The following DZIP3 variants were observed in gnomAD, a reference collection of about 807,000 sequenced individuals.
The protein encoded by DZIP3 is E3 ubiquitin-protein ligase DZIP3.
In DZIP3, 118 loss-of-function variants were observed where a neutral mutation model predicts 162.0. That is an observed-to-expected ratio of 0.73 (90% CI 0.63 to 0.85). The LOEUF (loss-of-function observed/expected upper bound fraction) is 0.85. Among genes scored for constraint, DZIP3 ranks in the 40% least tolerant of loss-of-function variants. DZIP3 has a pLI of 0.00. For missense variants in DZIP3, 1,331 were observed against 1,407.0 expected, an observed-to-expected ratio of 0.95 and a Z score of 0.86; for synonymous variants, 438 against 458.6, an observed-to-expected ratio of 0.96 and a Z score of 0.57.
chr3:108,676,370 T>C (rs144152284), intron 25 of DZIP3, among the ~76,000 whole-genome samples: 74 of 152,170 alleles, frequency 4.9e-4, no homozygotes, highest in African/African-American at 1.6e-3. Flanking sequence ...ATAATGTGTT[T>C]ACAGAATAAA....
rs1272824965 is a variant in DZIP3 at position 108,624,479 on chromosome 3, A to G, written c.411A>G (p.Leu137=). 6.3e-7 allele frequency: 1 copy of G among 1,597,716 alleles called. No individual in the cohort carries two copies. Among genetic ancestry groups the G allele is most frequent in the Admixed American group, 1.7e-5 (1 of 58,718 alleles). ...TTAATATTGGTTATTATTTGACATT[A>G]CTGTTTTTATATGGAGTAGCACTCA... The part of the protein sequence containing the change: ...HQINIGYYLT[L]LFLYGVALTE... The change falls in exon 6 of 33, where the codon TTA becomes TTG. Residue 137 remains leucine (L), a synonymous_variant. Coordinates refer to ENST00000361582, the MANE Select transcript of DZIP3 (RefSeq NM_014648.4).
chr3:108,669,191 T>G (rs1943817927), intron 21 of DZIP3, among the ~76,000 whole-genome samples: 1 of 151,974 alleles, frequency 6.6e-6, no homozygotes, highest in South Asian at 2.1e-4. Flanking sequence ...TTAATTAAAA[T>G]TTGCATTTGT....
intron 5 of DZIP3, among the ~76,000 whole-genome samples, chr3:108,618,343 GTTTTC>G (rs1017587017): frequency 6.6e-6 from 1 of 152,126 alleles, no homozygotes; most frequent in Non-Finnish European, 1.5e-5. Flanking sequence ...TCATGAAGCT[GTTTTC>G]TTTTAATTAC....
intron 22 of DZIP3, among the ~76,000 whole-genome samples, chr3:108,672,154 C>A (rs1943948102): frequency 6.6e-6 from 1 of 151,888 alleles, no homozygotes; most frequent in Non-Finnish European, 1.5e-5. Flanking sequence ...GAGTTCCGCC[C>A]TTATGACTGA....
At chr3:108,664,424 G>A (rs1390400899) in intron 21 of DZIP3, among the ~76,000 whole-genome samples, 1 of 152,204 alleles carries the variant, frequency 6.6e-6, no homozygotes, top group East Asian at 1.9e-4. Flanking sequence ...GCAGTAGTAA[G>A]CAAGCAGCTG....
chr3:108,654,023 A>C (rs1942993524), intron 18 of DZIP3, 122 bp from the exon 19 acceptor site: 1 of 1,026,836 alleles, frequency 9.7e-7, no homozygotes, highest in East Asian at 2.6e-5. Flanking sequence ...TCCTTTGATC[A>C]TGAACCCTTC....
chr3:108,626,857 G>C (rs1941612933), intron 7 of DZIP3, among the ~76,000 whole-genome samples: 1 of 152,232 alleles, frequency 6.6e-6, no homozygotes, highest in Admixed American at 6.5e-5. Flanking sequence ...AGAAAACAAT[G>C]TTTGACTAAG....
intron 8 of DZIP3, among the ~76,000 whole-genome samples, chr3:108,630,108 C>T (rs933050596): frequency 3.9e-5 from 6 of 151,966 alleles, no homozygotes; most frequent in African/African-American, 1.2e-4. Context: ...ACTTTATATT[C>T]TTCAAATAGT....
intron 9 of DZIP3, among the ~76,000 whole-genome samples, chr3:108,633,908 ATC>A (rs140073952): frequency 1.8e-5 from 1 of 55,088 alleles, no homozygotes; most frequent in Non-Finnish European, 4.3e-5. Context: ...CTTCTGATAG[ATC>A]TCTCTCTCTG....
At chr3:108,665,486 A>G (rs1440067482) in intron 21 of DZIP3, among the ~76,000 whole-genome samples, 3 of 152,170 alleles carry the variant, frequency 2.0e-5, no homozygotes, top group Non-Finnish European at 2.9e-5. Flanking sequence ...AGCCAATAAC[A>G]AAAGAGCTAA....
At chr3:108,647,621 A>C (rs775248258) in intron 15 of DZIP3, among the ~76,000 whole-genome samples, 1 of 152,192 alleles carries the variant, frequency 6.6e-6, no homozygotes, top group Non-Finnish European at 1.5e-5. Context: ...TGCATTATTA[A>C]TAGGATCAAG....
At chr3:108,607,975 A>G (rs1192678382) in intron 2 of DZIP3, 114 bp from the exon 3 acceptor site, 2 of 866,498 alleles carry the variant, frequency 2.3e-6, no homozygotes, top group Non-Finnish European at 3.8e-6. Context: ...CCAGTCTTTG[A>G]TACATTTTGG....
At chr3:108,593,676 C>CTTT (rs79432134) in intron 1 of DZIP3, among the ~76,000 whole-genome samples, 1 of 121,016 alleles carries the variant, frequency 8.3e-6, no homozygotes. Context: ...GAATTTCTTT[C>CTTT]TTTTTTTTTT....
intron 2 of DZIP3, among the ~76,000 whole-genome samples, chr3:108,606,702 C>CT (rs1940398064): frequency 1.3e-5 from 2 of 152,172 alleles, no homozygotes; most frequent in Non-Finnish European, 2.9e-5. Flanking sequence ...TGTATTTTGA[C>CT]TATGTTGCTA....
Position 108,637,493 on chromosome 3 carries a change from C to CA in DZIP3, c.1012-2dup. 1 of 1,608,958 alleles carries CA rather than the reference C, an allele frequency of 6.2e-7. No homozygotes were observed. On this transcript the variant is annotated splice_polypyrimidine_tract_variant and splice_region_variant and intron_variant, in intron 11 of 32. Coordinates refer to ENST00000361582, the MANE Select transcript of DZIP3 (RefSeq NM_014648.4). ...GGCTATTTTTTTTCCCCATTACTTG[C>CA]AGTTTGAAGTTGTGAGAAAGGATGA...
intron 9 of DZIP3, among the ~76,000 whole-genome samples, chr3:108,633,305 T>C (rs1317778975): frequency 2.0e-5 from 3 of 151,772 alleles, no homozygotes; most frequent in Admixed American, 1.3e-4. Flanking sequence ...TTCACTAAGG[T>C]TTTTGTAAGA....
At chr3:108,662,732 A>C (rs1943498581) in intron 21 of DZIP3, among the ~76,000 whole-genome samples, 1 of 152,080 alleles carries the variant, frequency 6.6e-6, no homozygotes, top group Non-Finnish European at 1.5e-5. Flanking sequence ...CCCTTACCCC[A>C]ATCTCTTTTC....
At chr3:108,606,204 G>A (rs1424136681) in intron 2 of DZIP3, among the ~76,000 whole-genome samples, 1 of 152,172 alleles carries the variant, frequency 6.6e-6, no homozygotes, top group Non-Finnish European at 1.5e-5. Context: ...GCATGATGCA[G>A]AAGACCCTGC....
chr3:108,653,507 G>GTGTATATATATATATATATATA (rs1273159630), intron 18 of DZIP3, among the ~76,000 whole-genome samples: 3 of 104,602 alleles, frequency 2.9e-5, no homozygotes, highest in Non-Finnish European at 6.0e-5. Context: ...GTGTGTGTGT[G>GTGTATATATATATATATATATA]TATATATATA....
Sources: gnomAD v4.1 joint callset for allele counts (sites outside exome capture counted in the v4.1 genomes callset) on GRCh38, gnomAD v4.1.1 for gene constraint, MANE v1.5 for transcripts, NCBI Gene and HGNC (gene_info 2026-07-23, HGNC 2026-07-21) for gene names.